CAPN1: variants seen among roughly 807,000 people sequenced by gnomAD.
CAPN1 encodes the protein calpain 1.
CAPN1 carries 77 observed loss-of-function variants against 105.2 expected under a neutral mutation model. The observed-to-expected ratio is 0.73, with a 90% CI of 0.61 to 0.88. The LOEUF is 0.88. Among genes scored for constraint, CAPN1 ranks in the 40% least tolerant of loss-of-function variants. CAPN1 has a pLI of 0.00. For synonymous variants in CAPN1, 355 were observed against 388.8 expected (o/e 0.91, Z 1.02); for missense variants, 833 against 976.6 (o/e 0.85, Z 1.96).
chr11:65,193,578 G>C (rs1185876051), intron 10 of CAPN1, among the ~76,000 whole-genome samples: 1 of 144,106 alleles, frequency 6.9e-6, no homozygotes, highest in Non-Finnish European at 1.5e-5. Context: ...CTGGGAGACA[G>C]AGCTTGCAGT....
chr11:65,210,599 G>C lies in CAPN1; in HGVS notation c.2059+147G>C. 1.4e-6 allele frequency: 1 copy of C among 711,206 alleles called. No homozygotes were observed. The highest frequency in any genetic ancestry group is 2.2e-5 in the Admixed American group (1 of 45,392). The allele number at this position is 711,206 out of a possible 1,614,324, so 44.1% of individuals were successfully genotyped here. ...AGAGGCCTGGGTCTGGGTTTGGGGG[G>C]CCCTGGCTGAGTGCCAGGAGAGTCG... On this transcript the variant is annotated intron_variant, in intron 20 of 21. Coordinates refer to ENST00000279247, the MANE Select transcript of CAPN1 (RefSeq NM_005186.4). This position sits in a 1 kb window ranked among gnomAD's most constrained non-coding sequence, Gnocchi z 4.3.
Position 65,183,192 on chromosome 11 carries a change from C to T in CAPN1, c.332C>T (p.Ala111Val). The T allele has an allele frequency of 6.2e-7, 1 of 1,613,882 alleles. No individual in the cohort carries two copies. The highest frequency in any genetic ancestry group is 8.5e-7 in the Non-Finnish European group (1 of 1,179,782). Residue 111 changes from alanine (A) to valine (V), a missense_variant, in exon 3 of 22, where the codon GCA becomes GTA. By Grantham distance (64) the Ala-to-Val change is moderately conservative (BLOSUM62 0). Transcript: ENST00000279247. ...ACCCGCACAGACATCTGCCAGGGAG[C>T]ACTGGGTAGGCCCCCAGGGCGTCGG... ...GATRTDICQGALGDCWLLAAI... is the reference protein window; with the variant it reads ...GATRTDICQGVLGDCWLLAAI...
Position 65,211,333 on chromosome 11 carries a change from GC to G in CAPN1, c.*49del. ...GCCGTGCTCCCCTCCCTCCTCGTCT[GC>G]CAAGCCTCGCCTCCTACCACACCAC... On this transcript the variant is annotated 3_prime_UTR_variant, in exon 22 of 22. Coordinates refer to ENST00000279247, the MANE Select transcript of CAPN1 (RefSeq NM_005186.4). 6.3e-7 allele frequency: 1 copy of G among 1,587,088 alleles called. No individual in the cohort carries two copies. The highest frequency in any genetic ancestry group is 8.6e-7 in the Non-Finnish European group (1 of 1,162,856).
chr11:65,195,940 C>T (rs1474383260), intron 10 of CAPN1, among the ~76,000 whole-genome samples: 1 of 151,908 alleles, frequency 6.6e-6, no homozygotes, highest in Non-Finnish European at 1.5e-5. Context: ...TCTATTTTTC[C>T]TAGGTCAGTT....
At chr11:65,189,675 C>G (rs959021769) in intron 10 of CAPN1, among the ~76,000 whole-genome samples, 1 of 152,230 alleles carries the variant, frequency 6.6e-6, no homozygotes, top group Non-Finnish European at 1.5e-5. Flanking sequence ...TCCCTGGCCC[C>G]TGTCTCCCAT....
chr11:65,210,076 G>C lies in CAPN1; in HGVS notation c.1922G>C (p.Arg641Pro), dbSNP rs973792919. 3.1e-6 allele frequency: 5 copies of C among 1,612,630 alleles called. No homozygotes were observed. In the African/African-American group the frequency reaches 6.7e-5, roughly 22 times the overall value. Residue 641 changes from arginine to proline, a missense_variant, in exon 19 of 22, where the codon CGG becomes CCG. By Grantham distance (103) the Arg-to-Pro change is moderately radical. Transcript: ENST00000279247. This position sits in a 1 kb window ranked among gnomAD's most constrained non-coding sequence, Gnocchi z 4.3. ...KSGSMSAYEM[R>P]MAIESAGFKL... ...GGCAGCATGAGTGCCTACGAGATGC[G>C]GATGGCCATTGAGTCGGCAGGTGAG...
At chr11:65,186,098 G>T (rs749607520) in intron 5 of CAPN1, 48 bp downstream of exon 5, 4 of 1,607,112 alleles carry the variant, frequency 2.5e-6, no homozygotes, top group Admixed American at 1.7e-5. Context: ...TCCCCCTAGG[G>T]GTGGGGGCTC....
chr11:65,209,378 C>T lies in CAPN1; in HGVS notation c.1785C>T (p.Asn595=). 6 of 1,613,516 alleles carry T rather than the reference C, an allele frequency of 3.7e-6. No homozygotes were observed. Among genetic ancestry groups the T allele is most frequent in the Non-Finnish European group, 5.1e-6 (6 of 1,179,612 alleles). Residue 595 remains asparagine, a synonymous_variant, in exon 17 of 22, where the codon AAC becomes AAT. Coordinates refer to ENST00000279247, the MANE Select transcript of CAPN1 (RefSeq NM_005186.4). The surrounding 1 kb of genome is among the most constrained non-coding windows in gnomAD (Gnocchi z 4.1). ...FSLESCRSMV[N]LMDRDGNGKL... ...TAGAGTCGTGCCGCAGCATGGTGAA[C>T]CTCATGGATGTATCCTTCCGTTTGC...
intron 4 of CAPN1, among the ~76,000 whole-genome samples, chr11:65,185,644 T>G (rs760094065): frequency 1.5e-4 from 22 of 150,976 alleles, no homozygotes; most frequent in Non-Finnish European, 2.9e-4. Flanking sequence ...TAGATACATG[T>G]ATCTAGTATA....
chr11:65,192,385 C>T (rs934843513), intron 10 of CAPN1, among the ~76,000 whole-genome samples: 2 of 152,134 alleles, frequency 1.3e-5, no homozygotes, highest in Admixed American at 1.3e-4. Context: ...CTATGTTCTT[C>T]CTGTACAGTG....
chr11:65,204,697 A>G lies in CAPN1; in HGVS notation c.1180A>G (p.Asn394Asp). The change falls in exon 11 of 22, where the codon AAC (asparagine) becomes GAC (aspartate). Residue 394 changes from asparagine to aspartate, a missense_variant. Asn to Asp is a conservative substitution (Grantham distance 23). Transcript: ENST00000279247. The part of the protein sequence containing the change: ...CRNYPATFWV[N>D]PQFKIRLDET... ...CCTGCCCGCAGCCACCTTCTGGGTGAACCCTCAGTTCAAGATCCGGCTGGA... is the reference window on the plus strand; with the variant it reads ...CCTGCCCGCAGCCACCTTCTGGGTGGACCCTCAGTTCAAGATCCGGCTGGA... The G allele has an allele frequency of 6.2e-7, 1 of 1,611,886 alleles. No individual in the cohort carries two copies. The highest frequency in any genetic ancestry group is 1.7e-5 in the Admixed American group (1 of 60,000).
chr11:65,211,062 G>A, intron 21 of CAPN1, 190 bp downstream of exon 21: 4 of 737,802 alleles, frequency 5.4e-6, no homozygotes, highest in South Asian at 5.1e-5. Context: ...CAGGAGGGGA[G>A]GTCCAGGCCC....
chr11:65,208,737 A>T lies in CAPN1; in HGVS notation c.1729+475A>T. 1 of 257,364 alleles carries T rather than the reference A, an allele frequency of 3.9e-6. No homozygotes were observed. Among genetic ancestry groups the T allele is most frequent in the Non-Finnish European group, 7.7e-6 (1 of 130,530 alleles). The allele number at this position is 257,364 out of a possible 1,614,324, so 15.9% of individuals were successfully genotyped here. On this transcript the variant is annotated intron_variant, in intron 16 of 21. Transcript: ENST00000279247. This position sits in a 1 kb window ranked among gnomAD's most constrained non-coding sequence, Gnocchi z 4.1. ...TAAGGCTGCAGTGAGCTGTGATCACATCAGTGCACTCCAGCCTGGGCAACA... is the reference window on the plus strand; with the variant it reads ...TAAGGCTGCAGTGAGCTGTGATCACTTCAGTGCACTCCAGCCTGGGCAACA...
intron 4 of CAPN1, chr11:65,183,802 G>A: frequency 3.5e-6 from 2 of 564,926 alleles, no homozygotes. Flanking sequence ...GTGGTTGTAT[G>A]TATCAGGTGG....
rs892552930 is a variant in CAPN1 at position 65,208,420 on chromosome 11, T to C, written c.1729+158T>C. ...CCAGTTCCCTGCCATTTCCATCCCATACTCCTCCTCCTGACCTGCCATCCT... is the reference window on the plus strand; with the variant it reads ...CCAGTTCCCTGCCATTTCCATCCCACACTCCTCCTCCTGACCTGCCATCCT... On this transcript the variant is annotated intron_variant, in intron 16 of 21. Transcript: ENST00000279247. The surrounding 1 kb of genome is among the most constrained non-coding windows in gnomAD (Gnocchi z 4.1). The C allele has an allele frequency of 6.8e-5, 48 of 703,790 alleles. No homozygotes were observed. Among genetic ancestry groups the C allele is most frequent in the South Asian group, 4.6e-4 (27 of 59,030 alleles). The allele number at this position is 703,790 out of a possible 1,614,324, so 43.6% of individuals were successfully genotyped here.
chr11:65,197,813 G>A (rs1295588259), intron 10 of CAPN1, among the ~76,000 whole-genome samples: 1 of 151,158 alleles, frequency 6.6e-6, no homozygotes, highest in African/African-American at 2.4e-5. Context: ...ACTTGAACCT[G>A]GGAGGTGGAG....
chr11:65,186,849 G>A (rs1948641229), intron 6 of CAPN1, among the ~76,000 whole-genome samples: 1 of 152,162 alleles, frequency 6.6e-6, no homozygotes, highest in African/African-American at 2.4e-5. Flanking sequence ...TGACTCTTCT[G>A]TCCTCACGTC....
Position 65,205,778 on chromosome 11 carries a change from G to A in CAPN1, c.1353+57G>A, listed in dbSNP as rs750751436. On this transcript the variant is annotated intron_variant, in intron 12 of 21. Transcript: ENST00000279247. ...ACACACCCCTGATGGTGCCAGAGGG[G>A]AGCAACCCAGTGGCAAACCCACCCT... The A allele has an allele frequency of 1.0e-4, 164 of 1,565,424 alleles. 1 individual carries two copies. The South Asian group carries it at 1.1e-3, about 10-fold the overall frequency.
At chr11:65,199,513 A>AT (rs1434357284) in intron 10 of CAPN1, among the ~76,000 whole-genome samples, 1 of 152,202 alleles carries the variant, frequency 6.6e-6, no homozygotes, top group Admixed American at 6.5e-5. Context: ...ATCTTTGAGA[A>AT]TATCACCTCC....
Sources: gnomAD v4.1 joint callset for allele counts (sites outside exome capture counted in the v4.1 genomes callset) on GRCh38, gnomAD v4.1.1 for gene constraint, Gnocchi (gnomAD v3.1) non-coding constraint, MANE v1.5 for transcripts, NCBI Gene and HGNC (gene_info 2026-07-23, HGNC 2026-07-21) for gene names.